Variants in ADRA1B observed in about 807,000 individuals in gnomAD.
ADRA1B encodes alpha-1B adrenergic receptor.
Under a neutral mutation model 17.9 loss-of-function variants are expected in ADRA1B, and 17 were observed. The observed-to-expected ratio is 0.95, with a 90% CI of 0.65 to 1.42. The LOEUF is 1.42. ADRA1B is among the 40% of genes most tolerant of loss of function. ADRA1B has a pLI of 0.00. For synonymous variants in ADRA1B, 366 were observed against 327.6 expected, an observed-to-expected ratio of 1.12 and a Z score of -1.27; for missense variants, 681 against 722.1, an observed-to-expected ratio of 0.94 and a Z score of 0.65.
the ADRA1B span, among the ~76,000 whole-genome samples, chr5:159,978,851 C>T: frequency 1.3e-5 from 2 of 152,236 alleles, no homozygotes; most frequent in African/African-American, 2.4e-5. Context: ...CCTCACCAAA[C>T]AGCACCTGAA....
chr5:159,890,770 T>G (rs1023045959), intron 1 of ADRA1B, among the ~76,000 whole-genome samples: 1 of 152,196 alleles, frequency 6.6e-6, no homozygotes, highest in Non-Finnish European at 1.5e-5. Flanking sequence ...ATTCTATTGG[T>G]CAAGGCAGCT....
intron 1 of ADRA1B, among the ~76,000 whole-genome samples, chr5:159,892,349 G>A (rs150911806): frequency 5.3e-5 from 8 of 152,192 alleles, no homozygotes; most frequent in Admixed American, 1.3e-4. Flanking sequence ...TTAAGGTTCC[G>A]GGGTACATGT....
At chr5:159,981,164 A>T in the ADRA1B span, among the ~76,000 whole-genome samples, 20 of 152,332 alleles carry the variant, frequency 1.3e-4, no homozygotes, top group Non-Finnish European at 2.5e-4. Context: ...GCAGATATAG[A>T]TACAGACATA....
chr5:159,933,954 G>A (rs1754880686), intron 1 of ADRA1B, among the ~76,000 whole-genome samples: 2 of 152,348 alleles, frequency 1.3e-5, no homozygotes, highest in East Asian at 1.9e-4. Context: ...TGTGGATTGA[G>A]GGAATGCAGT....
intron 1 of ADRA1B, among the ~76,000 whole-genome samples, chr5:159,923,922 C>G (rs1397236542): frequency 1.3e-5 from 2 of 152,382 alleles, no homozygotes; most frequent in East Asian, 3.9e-4. Context: ...GCATCGTCAT[C>G]CCTGTCTTTA....
chr5:159,969,704 G>A (rs1288412352), intron 1 of ADRA1B, among the ~76,000 whole-genome samples: 1 of 152,168 alleles, frequency 6.6e-6, no homozygotes, highest in Non-Finnish European at 1.5e-5. Context: ...TATGCCACAA[G>A]CCAAGTGGCA....
intron 1 of ADRA1B, among the ~76,000 whole-genome samples, chr5:159,878,734 T>C (rs1359323477): frequency 6.6e-6 from 1 of 152,206 alleles, no homozygotes; most frequent in Non-Finnish European, 1.5e-5. Context: ...CCTAGTCTGC[T>C]TAGCTCCCTA....
At chr5:159,969,944 A>AAC (rs1227235426) in intron 1 of ADRA1B, among the ~76,000 whole-genome samples, 20 of 152,156 alleles carry the variant, frequency 1.3e-4, no homozygotes, top group African/African-American at 4.6e-4. Context: ...TTAAAAAAAA[A>AAC]ACACATTTTT....
chr5:159,870,627 G>T (rs1441895088), intron 1 of ADRA1B: 1 of 152,206 alleles, frequency 6.6e-6, no homozygotes, highest in Non-Finnish European at 1.5e-5. Flanking sequence ...GAAGAAGTTA[G>T]AAATTCAGCA....
chr5:159,910,061 T>C (rs958393065), intron 1 of ADRA1B, among the ~76,000 whole-genome samples: 1 of 152,184 alleles, frequency 6.6e-6, no homozygotes, highest in Admixed American at 6.5e-5. Flanking sequence ...TATACATACA[T>C]ACATATACGC....
At chr5:159,929,693 T>G (rs1754749308) in intron 1 of ADRA1B, among the ~76,000 whole-genome samples, 1 of 152,172 alleles carries the variant, frequency 6.6e-6, no homozygotes, top group African/African-American at 2.4e-5. Flanking sequence ...TGTAGCAATT[T>G]TTAAAAATCA....
chr5:159,891,945 T>C (rs1283219024), intron 1 of ADRA1B, among the ~76,000 whole-genome samples: 1 of 152,148 alleles, frequency 6.6e-6, no homozygotes, highest in Admixed American at 6.5e-5. Context: ...TAAATGAAAG[T>C]AACAGCTATC....
rs186818808 is a variant in ADRA1B at position 159,888,977 on chromosome 5, C to T, written c.-256+23771C>T. On this transcript the variant is annotated intron_variant, in intron 1 of 2. Coordinates refer to the ADRA1B transcript ENST00000641205. ...AAAACATCCCACATCCCAACATGGA[C>T]GGCTCATCCAAGCTCCAAGCTAGTA... is the stretch of plus-strand genomic sequence containing the variant. Among the ~76,000 whole-genome samples the T allele has an allele frequency of 4.0e-3, 612 of 152,334 alleles. 3 individuals are homozygous for T. Among genetic ancestry groups the T allele is most frequent in the Non-Finnish European group, 5.7e-3 (390 of 68,026 alleles).
At chr5:159,915,611 C>T (rs1240561583), upstream of ADRA1B, among the ~76,000 whole-genome samples, 1 of 152,122 alleles carries the variant, frequency 6.6e-6, no homozygotes, top group Non-Finnish European at 1.5e-5. Context: ...TCTCTGACCT[C>T]CCTCACCCCC....
intron 1 of ADRA1B, among the ~76,000 whole-genome samples, chr5:159,970,993 G>A (rs1190460864): frequency 6.6e-6 from 1 of 152,070 alleles, no homozygotes; most frequent in African/African-American, 2.4e-5. Flanking sequence ...GTAGAGATGG[G>A]GTCCCCCTGT....
chr5:159,915,466 C>T (rs145779587), upstream of ADRA1B, among the ~76,000 whole-genome samples: 157 of 152,264 alleles, frequency 1.0e-3, no homozygotes, highest in African/African-American at 3.6e-3. Context: ...TCTTTCTTGG[C>T]CCATACTTTC....
intron 1 of ADRA1B, among the ~76,000 whole-genome samples, chr5:159,895,486 C>A (rs1754032091): frequency 1.3e-5 from 2 of 152,242 alleles, no homozygotes; most frequent in African/African-American, 4.8e-5. Flanking sequence ...TACACAGCTA[C>A]TAGAGACAGA....
chr5:159,979,364 C>T, the ADRA1B span, among the ~76,000 whole-genome samples: 2 of 152,108 alleles, frequency 1.3e-5, no homozygotes, highest in Non-Finnish European at 2.9e-5. Flanking sequence ...AGAATAATAC[C>T]TATCTTAAAA....
At position 159,947,794 on chromosome 5, in the gene ADRA1B, G is replaced by C. The variant is rs905078151; in HGVS notation, c.950-24085G>C. 5.1e-6 allele frequency: 5 copies of C among 985,268 alleles called. No individual in the cohort carries two copies. The African/African-American group carries it at 7.0e-5, about 14-fold the overall frequency. The allele number at this position is 985,268 out of a possible 1,614,324, so 61.0% of individuals were successfully genotyped here. On this transcript the variant is annotated intron_variant, in intron 1 of 1. Coordinates refer to ENST00000306675, the MANE Select transcript of ADRA1B (RefSeq NM_000679.4). Reference sequence around the variant, plus strand: ...TCTCTCCAGCCTAGAGTCTGGCCACGTGAGGGACACGGGAGCTACATTGCA... The same window carrying C: ...TCTCTCCAGCCTAGAGTCTGGCCACCTGAGGGACACGGGAGCTACATTGCA...
Sources: allele counts gnomAD v4.1 joint callset (sites outside exome capture counted in the v4.1 genomes callset), GRCh38; gene constraint gnomAD v4.1.1; transcripts MANE v1.5; gene names NCBI Gene and HGNC (gene_info 2026-07-23, HGNC 2026-07-21).